Variants in GRM7 observed in about 807,000 individuals in gnomAD.
GRM7 encodes the protein glutamate metabotropic receptor 7, also known as metabotropic glutamate receptor 7.
Under a neutral mutation model 84.5 loss-of-function variants are expected in GRM7, and 35 were observed. The observed-to-expected ratio is 0.41, with a 90% CI of 0.32 to 0.55. The LOEUF is 0.55. Among genes scored for constraint, GRM7 ranks in the 20% least tolerant of loss-of-function variants. The pLI is 0.19. For missense variants in GRM7, 1,003 were observed against 1,194.6 expected (o/e 0.84, Z 2.36); for synonymous variants, 487 against 455.1 (o/e 1.07, Z -0.89).
intron 4 of GRM7, among the ~76,000 whole-genome samples, chr3:7,348,687 G>T (rs550497528): frequency 4.6e-5 from 7 of 152,036 alleles, no homozygotes; most frequent in Non-Finnish European, 8.8e-5. Flanking sequence ...AGCAATATCG[G>T]CATCACCTGG....
At chr3:7,388,028 G>A (rs976854211) in intron 4 of GRM7, among the ~76,000 whole-genome samples, 2 of 151,906 alleles carry the variant, frequency 1.3e-5, no homozygotes, top group African/African-American at 2.4e-5. Flanking sequence ...TATATTCCTA[G>A]GTATCTTATT....
intron 2 of GRM7, among the ~76,000 whole-genome samples, chr3:7,272,662 A>G (rs1191414115): frequency 1.3e-5 from 2 of 151,882 alleles, no homozygotes; most frequent in Non-Finnish European, 2.9e-5. Flanking sequence ...TTTCTCTATT[A>G]TTATTTGAAT....
chr3:7,461,102 A>G (rs1305679029), intron 6 of GRM7, among the ~76,000 whole-genome samples: 4 of 152,234 alleles, frequency 2.6e-5, no homozygotes, highest in Non-Finnish European at 5.9e-5. Flanking sequence ...AAGTACATTT[A>G]AATACATTTT....
At chr3:7,045,108 C>T (rs1309898968) in intron 1 of GRM7, among the ~76,000 whole-genome samples, 2 of 152,116 alleles carry the variant, frequency 1.3e-5, no homozygotes, top group African/African-American at 4.8e-5. Flanking sequence ...CCTGACCTTG[C>T]TCATGACTAT....
intron 2 of GRM7, among the ~76,000 whole-genome samples, chr3:7,168,146 C>G (rs1158980026): frequency 2.0e-5 from 3 of 152,044 alleles, no homozygotes; most frequent in Non-Finnish European, 4.4e-5. Context: ...CACATTCCAC[C>G]CCTTTAGTTT....
chr3:7,345,815 T>G (rs1692864198), intron 4 of GRM7, among the ~76,000 whole-genome samples: 1 of 146,430 alleles, frequency 6.8e-6, no homozygotes, highest in African/African-American at 2.5e-5. Flanking sequence ...TAAAGTGTGT[T>G]CATACTCAAA....
intron 4 of GRM7, among the ~76,000 whole-genome samples, chr3:7,414,175 A>T (rs2125178885): frequency 6.6e-6 from 1 of 152,260 alleles, no homozygotes; most frequent in South Asian, 2.1e-4. Flanking sequence ...ACTTTGAATA[A>T]TTTAAGTATT....
At chr3:7,292,375 T>TGTGA (rs1156718842) in intron 2 of GRM7, among the ~76,000 whole-genome samples, 2 of 152,200 alleles carry the variant, frequency 1.3e-5, no homozygotes, top group African/African-American at 4.8e-5. Flanking sequence ...CTGTGGAGTA[T>TGTGA]GTGAGGACAG....
intron 4 of GRM7, among the ~76,000 whole-genome samples, chr3:7,354,117 T>C (rs1693281787): frequency 1.3e-5 from 2 of 152,144 alleles, no homozygotes; most frequent in African/African-American, 2.4e-5. Flanking sequence ...AAGTCCTTTG[T>C]ATAATACTAA....
At chr3:7,641,727 C>T (rs145074071) in intron 8 of GRM7, among the ~76,000 whole-genome samples, 1 of 152,210 alleles carries the variant, frequency 6.6e-6, no homozygotes, top group African/African-American at 2.4e-5. Context: ...GATGTGACTA[C>T]ATAACAACAT....
chr3:7,272,768 T>G (rs1698913462), intron 2 of GRM7, among the ~76,000 whole-genome samples: 1 of 152,044 alleles, frequency 6.6e-6, no homozygotes, highest in African/African-American at 2.4e-5. Flanking sequence ...AGAGGTTAAT[T>G]AATTTTGTTT....
intron 1 of GRM7, among the ~76,000 whole-genome samples, chr3:6,954,351 A>G (rs1216157965): frequency 6.6e-6 from 1 of 152,212 alleles, no homozygotes; most frequent in East Asian, 1.9e-4. Flanking sequence ...GTTTTTAACT[A>G]TAGTCACCCT....
At chr3:7,481,164 A>T (rs913936056) in intron 7 of GRM7, among the ~76,000 whole-genome samples, 1 of 151,842 alleles carries the variant, frequency 6.6e-6, no homozygotes, top group Non-Finnish European at 1.5e-5. Context: ...TTGCAGCATC[A>T]ATCTCCCAGG....
At chr3:7,036,476 C>A (rs369222669) in intron 1 of GRM7, among the ~76,000 whole-genome samples, 1 of 151,960 alleles carries the variant, frequency 6.6e-6, no homozygotes, top group Non-Finnish European at 1.5e-5. Context: ...ATCTAGATAA[C>A]AAAGCTTACA....
chr3:7,091,310 C>A (rs1330090794), intron 1 of GRM7, among the ~76,000 whole-genome samples: 1 of 152,080 alleles, frequency 6.6e-6, no homozygotes, highest in Non-Finnish European at 1.5e-5. Context: ...CTTAAATATC[C>A]TCTAGGTTTC....
chr3:7,238,738 TTTTTC>T (rs200669610), intron 2 of GRM7, among the ~76,000 whole-genome samples: 2 of 150,672 alleles, frequency 1.3e-5, no homozygotes, highest in African/African-American at 2.5e-5. Context: ...TCTTTTCTTT[TTTTTC>T]TTTTCTTTTC....
chr3:7,369,213 C>G lies in GRM7; in HGVS notation c.1034-45810C>G, dbSNP rs867382733. Reference sequence around the variant, plus strand: ...AGAACTACAGGTGCATGCTACTACACAAACAACTTTTTAAATTTTTCATAC... The same window carrying G: ...AGAACTACAGGTGCATGCTACTACAGAAACAACTTTTTAAATTTTTCATAC... On this transcript the variant is annotated intron_variant, in intron 4 of 9. Transcript: ENST00000357716. Among the ~76,000 whole-genome samples the G allele has an allele frequency of 1.7e-4, 26 of 152,190 alleles. 2 individuals are homozygous for G. In the Middle Eastern group the frequency reaches 0.024, roughly 139 times the overall value.
chr3:7,182,888 G>A (rs1296639111), intron 2 of GRM7, among the ~76,000 whole-genome samples: 2 of 139,202 alleles, frequency 1.4e-5, no homozygotes, highest in Admixed American at 7.2e-5. Flanking sequence ...TAGGCGTAAC[G>A]TGAAAGTGTT....
chr3:6,922,816 T>G (rs1697169475), intron 1 of GRM7, among the ~76,000 whole-genome samples: 2 of 152,170 alleles, frequency 1.3e-5, no homozygotes, highest in African/African-American at 2.4e-5. Context: ...GTTAAAGGTA[T>G]GGTATTTTGA....
Sources: allele counts gnomAD v4.1 joint callset (sites outside exome capture counted in the v4.1 genomes callset), GRCh38; gene constraint gnomAD v4.1.1; transcripts MANE v1.5; gene names NCBI Gene and HGNC (gene_info 2026-07-23, HGNC 2026-07-21).